The following FCHO2 variants were observed in gnomAD, a reference collection of about 807,000 sequenced individuals.
FCHO2 encodes the protein F-BAR domain only protein 2.
Under a neutral mutation model 114.1 loss-of-function variants are expected in FCHO2, and 43 were observed. The observed-to-expected ratio is 0.38, with a 90% CI of 0.30 to 0.49. The LOEUF (loss-of-function observed/expected upper bound fraction) is 0.49, where lower values mean the gene tolerates loss of function less well. Among genes scored for constraint, FCHO2 ranks in the 20% least tolerant of loss-of-function variants. The pLI is 0.97. For synonymous variants in FCHO2, 293 were observed against 315.2 expected (o/e 0.93, Z 0.75); for missense variants, 807 against 950.4 (o/e 0.85, Z 1.98).
intron 2 of FCHO2, among the ~76,000 whole-genome samples, chr5:72,984,212 T>G (rs530085931): frequency 6.6e-6 from 1 of 152,352 alleles, no homozygotes; most frequent in South Asian, 2.1e-4. Context: ...TAAATCAACT[T>G]CCCATTCTTG....
intron 22 of FCHO2, among the ~76,000 whole-genome samples, chr5:73,080,629 A>G (rs1743063140): frequency 6.6e-6 from 1 of 151,918 alleles, no homozygotes; most frequent in African/African-American, 2.4e-5. Flanking sequence ...ATATTTCTCT[A>G]TTTTTTTAGT....
chr5:73,036,299 C>T (rs749084614), intron 9 of FCHO2, among the ~76,000 whole-genome samples: 3 of 152,106 alleles, frequency 2.0e-5, no homozygotes, highest in Admixed American at 6.5e-5. Context: ...GTATTAGGGA[C>T]AACATTATGG....
chr5:72,997,276 C>A, intron 5 of FCHO2: 1 of 1,323,922 alleles, frequency 7.6e-7, no homozygotes, highest in Non-Finnish European at 1.1e-6. Context: ...AAGTCGTGAG[C>A]GAGTGGTGGG....
chr5:72,988,206 G>A (rs1272803318), intron 2 of FCHO2, among the ~76,000 whole-genome samples: 1 of 152,166 alleles, frequency 6.6e-6, no homozygotes, highest in East Asian at 1.9e-4. Context: ...TTGGGAGGCT[G>A]AGTGGGGCGG....
intron 5 of FCHO2, among the ~76,000 whole-genome samples, chr5:73,004,425 T>C (rs1380032777): frequency 2.0e-5 from 3 of 152,192 alleles, no homozygotes; most frequent in African/African-American, 7.2e-5. Flanking sequence ...TTACGGGTTT[T>C]AGTCACTTTC....
At chr5:73,048,917 C>G (rs1328267391) in intron 11 of FCHO2, among the ~76,000 whole-genome samples, 2 of 143,874 alleles carry the variant, frequency 1.4e-5, no homozygotes, top group Admixed American at 7.0e-5. Flanking sequence ...CGCTCTGTCG[C>G]CCAGGCTGGA....
At chr5:72,990,453 A>T in intron 3 of FCHO2, 25 bp from the exon 4 acceptor site, 6 of 1,471,950 alleles carry the variant, frequency 4.1e-6, no homozygotes, top group Non-Finnish European at 5.4e-6. Flanking sequence ...TTAATAAGTT[A>T]TTCCCATATT....
At chr5:73,085,052 C>G (rs985274330) in intron 24 of FCHO2, among the ~76,000 whole-genome samples, 1 of 152,114 alleles carries the variant, frequency 6.6e-6, no homozygotes, top group Non-Finnish European at 1.5e-5. Flanking sequence ...AATTTGTTCT[C>G]TCAAAAATAA....
At chr5:73,084,717 T>C (rs1284566132) in intron 24 of FCHO2, among the ~76,000 whole-genome samples, 1 of 152,254 alleles carries the variant, frequency 6.6e-6, no homozygotes, top group Non-Finnish European at 1.5e-5. Context: ...TATGTCTGTG[T>C]TGTTTATTCA....
chr5:73,017,175 G>A, intron 7 of FCHO2, 37 bp from the exon 8 acceptor site: 1 of 1,222,698 alleles, frequency 8.2e-7, no homozygotes, highest in South Asian at 1.6e-5. Context: ...CTAAGAATGT[G>A]GAAAAAGAAA....
chr5:73,052,333 T>C lies in FCHO2; in HGVS notation c.999T>C (p.Asp333=), dbSNP rs1242545416. The part of the protein sequence containing the change: ...YSIKPETNQN[D]TKENHFYSSS... Reference sequence around the variant, plus strand: ...AACAATTCTTTAACTGAAACTCACATACCAAAGAGAACCATTTCTACTCAT... The same window carrying C: ...AACAATTCTTTAACTGAAACTCACACACCAAAGAGAACCATTTCTACTCAT... The change falls in exon 13 of 26, where the codon GAT becomes GAC. Residue 333 remains aspartate (D), a splice_region_variant and synonymous_variant. Coordinates refer to ENST00000430046, the MANE Select transcript of FCHO2 (RefSeq NM_138782.3). The C allele has an allele frequency of 1.9e-6, 3 of 1,603,420 alleles. No individual in the cohort carries two copies. The highest frequency in any genetic ancestry group is 2.6e-6 in the Non-Finnish European group (3 of 1,175,448).
At chr5:73,021,092 G>T in intron 8 of FCHO2, 1 of 816,452 alleles carries the variant, frequency 1.2e-6, no homozygotes, top group Non-Finnish European at 2.2e-6. Flanking sequence ...TTGATGATTC[G>T]GTCCCCCAGT....
At chr5:73,081,125 A>G (rs1297145889) in intron 22 of FCHO2, among the ~76,000 whole-genome samples, 1 of 152,180 alleles carries the variant, frequency 6.6e-6, no homozygotes, top group African/African-American at 2.4e-5. Context: ...AATAATCATA[A>G]TATTCTATGT....
At chr5:72,976,892 G>A (rs1752921117) in intron 2 of FCHO2, among the ~76,000 whole-genome samples, 1 of 150,062 alleles carries the variant, frequency 6.7e-6, no homozygotes, top group Non-Finnish European at 1.5e-5. Context: ...TTGGTTTTCT[G>A]TTCTTGTGTT....
chr5:73,042,257 C>T (rs543824336), intron 11 of FCHO2, among the ~76,000 whole-genome samples: 173 of 152,116 alleles, frequency 1.1e-3, no homozygotes, highest in African/African-American at 4.0e-3. Flanking sequence ...CAATGTTTAC[C>T]TTACCACTTG....
intron 2 of FCHO2, among the ~76,000 whole-genome samples, chr5:72,978,867 CAT>C (rs1262893572): frequency 3.9e-5 from 6 of 152,074 alleles, no homozygotes; most frequent in African/African-American, 1.2e-4. Flanking sequence ...TTGAGATAAT[CAT>C]GTGGTTTTTG....
At chr5:72,957,299 T>C (rs1751606583) in intron 1 of FCHO2, among the ~76,000 whole-genome samples, 1 of 152,072 alleles carries the variant, frequency 6.6e-6, no homozygotes, top group Non-Finnish European at 1.5e-5. Flanking sequence ...GTTCATAGAG[T>C]TGTGTAAACA....
chr5:72,989,035 C>G (rs931120508), intron 2 of FCHO2, among the ~76,000 whole-genome samples: 1 of 151,976 alleles, frequency 6.6e-6, no homozygotes, highest in African/African-American at 2.4e-5. Flanking sequence ...ATAGCAAGGC[C>G]CCATCTCTAC....
chr5:72,969,532 C>A (rs769474110), intron 2 of FCHO2, among the ~76,000 whole-genome samples: 1 of 152,064 alleles, frequency 6.6e-6, no homozygotes, highest in South Asian at 2.1e-4. Flanking sequence ...AAGGAAAGGC[C>A]GCAGAACTCT....
Sources: gnomAD v4.1 joint callset for allele counts (sites outside exome capture counted in the v4.1 genomes callset) on GRCh38, gnomAD v4.1.1 for gene constraint, MANE v1.5 for transcripts, NCBI Gene and HGNC (gene_info 2026-07-23, HGNC 2026-07-21) for gene names.